Variants in FSTL4 observed in about 807,000 individuals in gnomAD.
FSTL4 encodes the protein follistatin-related protein 4.
In FSTL4, 28 loss-of-function variants were observed where a neutral mutation model predicts 78.2. That is an observed-to-expected ratio of 0.36 (90% CI 0.27 to 0.49). FSTL4 has a LOEUF of 0.49. FSTL4 is among the 20% of genes least tolerant of loss of function. FSTL4 has a pLI of 0.98. For missense variants in FSTL4, 922 were observed against 1,084.9 expected, an observed-to-expected ratio of 0.85 and a Z score of 2.11; for synonymous variants, 422 against 440.5, an observed-to-expected ratio of 0.96 and a Z score of 0.53.
At chr5:133,381,780 CACGTGG>C (rs1321117623) in intron 4 of FSTL4, among the ~76,000 whole-genome samples, 1 of 152,224 alleles carries the variant, frequency 6.6e-6, no homozygotes, top group African/African-American at 2.4e-5. Flanking sequence ...GTCAGCCTTG[CACGTGG>C]ACACAGCTAT....
At chr5:133,695,265 G>A in the FSTL4 span, among the ~76,000 whole-genome samples, 2 of 152,058 alleles carry the variant, frequency 1.3e-5, no homozygotes, top group Admixed American at 1.3e-4. Context: ...TTTCCCTCAT[G>A]GTTGCAAACA....
chr5:133,330,975 C>T (rs1271761582), intron 4 of FSTL4, among the ~76,000 whole-genome samples: 1 of 152,164 alleles, frequency 6.6e-6, no homozygotes, highest in Admixed American at 6.5e-5. Context: ...GCAAGCTCTG[C>T]CAGCATGGTC....
intron 3 of FSTL4, among the ~76,000 whole-genome samples, chr5:133,454,800 G>GT (rs1757452201): frequency 6.6e-6 from 1 of 152,160 alleles, no homozygotes; most frequent in African/African-American, 2.4e-5. Flanking sequence ...TTTCTTTTCT[G>GT]TGGGGGGTGG....
At chr5:133,280,464 AT>A (rs1190333697) in intron 6 of FSTL4, among the ~76,000 whole-genome samples, 1 of 152,148 alleles carries the variant, frequency 6.6e-6, no homozygotes. Flanking sequence ...CATTTGGGAC[AT>A]GGACTGGGCC....
the FSTL4 span, among the ~76,000 whole-genome samples, chr5:133,666,253 T>G: frequency 6.6e-6 from 1 of 152,192 alleles, no homozygotes; most frequent in Non-Finnish European, 1.5e-5. Context: ...GCACTTTTTT[T>G]CTTTTCCAAA....
At chr5:133,703,253 T>C in the FSTL4 span, among the ~76,000 whole-genome samples, 3 of 152,220 alleles carry the variant, frequency 2.0e-5, no homozygotes, top group Non-Finnish European at 4.4e-5. Context: ...TCTCCTCAAA[T>C]TCCAATCTCG....
At chr5:133,428,384 C>T (rs1756871088) in intron 3 of FSTL4, among the ~76,000 whole-genome samples, 1 of 152,188 alleles carries the variant, frequency 6.6e-6, no homozygotes, top group Admixed American at 6.5e-5. Flanking sequence ...ACCTTGCTGC[C>T]ACCTCCAACT....
At chr5:133,748,211 A>G in the FSTL4 span, among the ~76,000 whole-genome samples, 1 of 151,328 alleles carries the variant, frequency 6.6e-6, no homozygotes, top group East Asian at 2.0e-4. Flanking sequence ...AAGAAGAAAA[A>G]AAAAAAGCCC....
chr5:133,306,209 G>GGGGCTGCTGGTCTT (rs556219654), intron 6 of FSTL4, among the ~76,000 whole-genome samples: 79 of 152,356 alleles, frequency 5.2e-4, no homozygotes, highest in African/African-American at 1.7e-3. Flanking sequence ...TGGGCCGGGT[G>GGGGCTGCTGGTCTT]GGGCTGCTGG....
chr5:133,206,834 T>C (rs747320980), intron 14 of FSTL4, among the ~76,000 whole-genome samples: 2 of 152,258 alleles, frequency 1.3e-5, no homozygotes, highest in South Asian at 4.1e-4. Context: ...TTTTGTTCTC[T>C]TTCAATTTCT....
the FSTL4 span, among the ~76,000 whole-genome samples, chr5:133,670,108 C>T: frequency 2.0e-5 from 3 of 152,172 alleles, no homozygotes; most frequent in East Asian, 1.9e-4. Context: ...CCTTTTCCGT[C>T]GTCAACATAG....
chr5:133,316,504 T>A lies in FSTL4; in HGVS notation c.558A>T (p.Leu186Phe). ...RLLVESLFRD[L>F]DADGNGHLSS... ...TGAGGTGGCCATTGCCATCTGCATCTAAGTCCCTGAACAGAGATTCCACCA... is the reference window on the plus strand; with the variant it reads ...TGAGGTGGCCATTGCCATCTGCATCAAAGTCCCTGAACAGAGATTCCACCA... Residue 186 changes from leucine (L) to phenylalanine (F), a missense_variant, in exon 5 of 16, where the codon TTA becomes TTT. Physicochemically the swap from Leu to Phe is conservative, Grantham distance 22 (BLOSUM62 0). Coordinates refer to ENST00000265342, the MANE Select transcript of FSTL4 (RefSeq NM_015082.2). 1.2e-6 allele frequency: 2 copies of A among 1,614,178 alleles called. No homozygotes were observed. The highest frequency in any genetic ancestry group is 1.1e-5 in the South Asian group (1 of 91,080).
chr5:133,542,047 C>A (rs1049532320), intron 3 of FSTL4, among the ~76,000 whole-genome samples: 2 of 152,078 alleles, frequency 1.3e-5, no homozygotes, highest in Admixed American at 1.3e-4. Flanking sequence ...CTGTAAAACC[C>A]TTTCCTAACA....
At chr5:133,729,520 T>TA in the FSTL4 span, among the ~76,000 whole-genome samples, 1 of 152,190 alleles carries the variant, frequency 6.6e-6, no homozygotes, top group Non-Finnish European at 1.5e-5. Flanking sequence ...ATATACTTTT[T>TA]AAAATCCCCC....
At chr5:133,741,777 T>C in the FSTL4 span, among the ~76,000 whole-genome samples, 1 of 152,170 alleles carries the variant, frequency 6.6e-6, no homozygotes, top group South Asian at 2.1e-4. Flanking sequence ...ACTCAAAAGC[T>C]AACACAGAAT....
chr5:133,273,522 G>A (rs1423221076), intron 6 of FSTL4, among the ~76,000 whole-genome samples: 3 of 152,164 alleles, frequency 2.0e-5, no homozygotes, highest in Non-Finnish European at 4.4e-5. Flanking sequence ...GCTACTTGGG[G>A]TCAGGGTTAC....
At chr5:133,797,980 A>AAC in the FSTL4 span, among the ~76,000 whole-genome samples, 994 of 151,236 alleles carry the variant, frequency 6.6e-3, 6 homozygotes, top group African/African-American at 0.023. Context: ...CACCCCCACA[A>AAC]ACACACACAC....
At chr5:133,257,246 G>A (rs1158041561) in intron 6 of FSTL4, among the ~76,000 whole-genome samples, 2 of 152,188 alleles carry the variant, frequency 1.3e-5, no homozygotes, top group South Asian at 2.1e-4. Flanking sequence ...GAAGACAAGT[G>A]TTAAGTGGGG....
At chr5:133,495,669 T>A (rs565804498) in intron 3 of FSTL4, among the ~76,000 whole-genome samples, 24 of 152,274 alleles carry the variant, frequency 1.6e-4, no homozygotes, top group African/African-American at 5.8e-4. Flanking sequence ...CGGGGACCAC[T>A]CCGGGGCCTA....
Sources: gnomAD v4.1 joint callset for allele counts (sites outside exome capture counted in the v4.1 genomes callset) on GRCh38, gnomAD v4.1.1 for gene constraint, MANE v1.5 for transcripts, NCBI Gene and HGNC (gene_info 2026-07-23, HGNC 2026-07-21) for gene names.